EYA1: variants seen among roughly 807,000 people sequenced by gnomAD.
EYA1 encodes the protein protein phosphatase EYA1.
Under a neutral mutation model 82.0 loss-of-function variants are expected in EYA1, and 16 were observed. That is an observed-to-expected ratio of 0.20 (90% CI 0.13 to 0.30). The LOEUF (loss-of-function observed/expected upper bound fraction) is 0.30, where lower values mean the gene tolerates loss of function less well. Ranked by LOEUF, EYA1 falls within the 10% of genes least tolerant of loss-of-function variation. EYA1 has a pLI of 1.00. For missense variants in EYA1, 633 were observed against 730.7 expected, an observed-to-expected ratio of 0.87 and a Z score of 1.54; for synonymous variants, 261 against 264.4, an observed-to-expected ratio of 0.99 and a Z score of 0.12.
Position 71,197,991 on chromosome 8 carries a change from A to G in EYA1, c.*1349T>C, listed in dbSNP as rs1401622019. The G allele has an allele frequency of 6.6e-6, 1 of 152,230 alleles. No homozygotes were observed. Among genetic ancestry groups the G allele is most frequent in the Non-Finnish European group, 1.5e-5 (1 of 68,036 alleles). 9.4% of individuals were successfully genotyped at this position (152,230 alleles called of 1,614,324 possible). A position where few individuals can be genotyped will look rare whatever the true frequency, so the allele number is the denominator to read the frequency against. ...TGTTTCCATGGTGATGACAATGGCA[A>G]TGAACCTTCCTCAGGGTGACAGGAA... On this transcript the variant is annotated 3_prime_UTR_variant, in exon 18 of 18. Transcript: ENST00000340726.
chr8:71,252,296 T>G (rs2128918161), intron 11 of EYA1, among the ~76,000 whole-genome samples: 1 of 152,092 alleles, frequency 6.6e-6, no homozygotes, highest in South Asian at 2.1e-4. Context: ...GTGAGAATCT[T>G]GGTAAATTCA....
chr8:71,362,364 G>A (rs1009071199), upstream of EYA1: 2 of 227,876 alleles, frequency 8.8e-6, no homozygotes, highest in Non-Finnish European at 1.4e-5. Flanking sequence ...TCTCTGAGAC[G>A]TGGTCAACAC....
intron 3 of EYA1, among the ~76,000 whole-genome samples, chr8:71,341,588 C>A (rs528319112): frequency 6.6e-6 from 1 of 152,254 alleles, no homozygotes; most frequent in Non-Finnish European, 1.5e-5. Flanking sequence ...TCTGCTTCAC[C>A]TAAAAGTGCA....
At chr8:71,223,190 A>G (rs1225087534) in intron 12 of EYA1, among the ~76,000 whole-genome samples, 1 of 152,160 alleles carries the variant, frequency 6.6e-6, no homozygotes, top group East Asian at 1.9e-4. Context: ...CCTAAGTAGG[A>G]GAGCTGAGGA....
chr8:71,438,938 A>G (rs1806202560), intron 2 of EYA1, among the ~76,000 whole-genome samples: 1 of 152,082 alleles, frequency 6.6e-6, no homozygotes, highest in Admixed American at 6.6e-5. Context: ...AAATCCTGAG[A>G]TAAGAATTGG....
chr8:71,435,617 C>G (rs1355193413), intron 2 of EYA1, among the ~76,000 whole-genome samples: 3 of 151,962 alleles, frequency 2.0e-5, no homozygotes, highest in Non-Finnish European at 4.4e-5. Flanking sequence ...TTTCCTTAAC[C>G]ATGTCTATGG....
At chr8:71,456,526 C>A (rs377094487) in intron 2 of EYA1, among the ~76,000 whole-genome samples, 1 of 152,040 alleles carries the variant, frequency 6.6e-6, no homozygotes, top group Non-Finnish European at 1.5e-5. Flanking sequence ...GCTACAGTAA[C>A]CAAAACAGCA....
intron 2 of EYA1, among the ~76,000 whole-genome samples, chr8:71,396,014 T>C (rs1008984775): frequency 2.0e-5 from 3 of 152,218 alleles, no homozygotes; most frequent in Non-Finnish European, 4.4e-5. Context: ...CCTGGTTTAG[T>C]CTTGGGAGGG....
chr8:71,322,427 C>T (rs1312298661), intron 4 of EYA1, 159 bp from the exon 5 acceptor site: 7 of 672,684 alleles, frequency 1.0e-5, no homozygotes, highest in Non-Finnish European at 1.9e-5. Context: ...TATGGTTCCA[C>T]CTAACAGAAA....
At chr8:71,273,908 C>G (rs952671515) in intron 9 of EYA1, among the ~76,000 whole-genome samples, 5 of 152,294 alleles carry the variant, frequency 3.3e-5, no homozygotes, top group South Asian at 2.1e-4. Flanking sequence ...AGTCGTTTAT[C>G]TTTCCTAGAT....
intron 2 of EYA1, among the ~76,000 whole-genome samples, chr8:71,420,466 G>T (rs1437406316): frequency 6.6e-6 from 1 of 151,976 alleles, no homozygotes; most frequent in Non-Finnish European, 1.5e-5. Context: ...TACACAGGAA[G>T]CTTTTTTTAA....
chr8:71,225,007 T>G, intron 12 of EYA1: 1 of 199,542 alleles, frequency 5.0e-6, no homozygotes. Flanking sequence ...AGCTGACAAT[T>G]TGATTTGGTA....
At chr8:71,360,629 C>T (rs1272797571) in intron 1 of EYA1, among the ~76,000 whole-genome samples, 2 of 152,132 alleles carry the variant, frequency 1.3e-5, no homozygotes, top group Non-Finnish European at 2.9e-5. Context: ...TTTGATAATG[C>T]AAAAGCATGA....
intron 2 of EYA1, among the ~76,000 whole-genome samples, chr8:71,466,822 A>G (rs961518328): frequency 1.3e-5 from 2 of 152,176 alleles, no homozygotes; most frequent in African/African-American, 4.8e-5. Flanking sequence ...GTTAGGATCT[A>G]GGAAACACAG....
At chr8:71,373,667 C>G (rs28781298) in intron 2 of EYA1, among the ~76,000 whole-genome samples, 2,438 of 152,142 alleles carry the variant, frequency 0.016, 54 homozygotes, top group African/African-American at 0.056. Context: ...CCATAAAAGT[C>G]TCCAAATAGC....
In EYA1 at chr8:71,257,265, T is replaced by C. The variant is rs548364309; in HGVS notation, c.1050+12475A>G. Among the ~76,000 whole-genome samples, 6 of 152,266 alleles carry C rather than the reference T, an allele frequency of 3.9e-5. No individual in the cohort carries two copies. In the East Asian group the frequency reaches 9.6e-4, roughly 24 times the overall value. Reference sequence around the variant, plus strand: ...ACGATGAAGATATACATAAACAAGATTGGCTAGGACTTGATATTGTTAAAG... The same window carrying C: ...ACGATGAAGATATACATAAACAAGACTGGCTAGGACTTGATATTGTTAAAG... On this transcript the variant is annotated intron_variant, in intron 11 of 17. Coordinates refer to ENST00000340726, the MANE Select transcript of EYA1 (RefSeq NM_000503.6).
Position 71,500,228 on chromosome 8 carries a change from A to G in EYA1, c.33+35516T>C, listed in dbSNP as rs559989541. On this transcript the variant is annotated intron_variant, in intron 2 of 18. Transcript: ENST00000643681. ...TTCTAATTCACCACACCCATCTTGA[A>G]AGAAAAAAAGATCAAACATATTCCT... is the stretch of plus-strand genomic sequence containing the variant. Among the ~76,000 whole-genome samples the G allele has an allele frequency of 2.6e-5, 4 of 152,350 alleles. No individual in the cohort carries two copies. The South Asian group carries it at 8.3e-4, about 32-fold the overall frequency.
At chr8:71,356,822 C>A in intron 1 of EYA1, 1 of 954,604 alleles carries the variant, frequency 1.0e-6, no homozygotes, top group East Asian at 6.1e-5. Context: ...TGCAAAGCAG[C>A]CTTGCCCAGG....
At chr8:71,326,992 C>T (rs1205793779) in intron 4 of EYA1, among the ~76,000 whole-genome samples, 1 of 152,214 alleles carries the variant, frequency 6.6e-6, no homozygotes, top group Non-Finnish European at 1.5e-5. Flanking sequence ...TGCCCTTCAC[C>T]AACATCTCTG....
Sources: gnomAD v4.1 joint callset for allele counts (sites outside exome capture counted in the v4.1 genomes callset) on GRCh38, gnomAD v4.1.1 for gene constraint, MANE v1.5 for transcripts, NCBI Gene and HGNC (gene_info 2026-07-23, HGNC 2026-07-21) for gene names.